Variants in FHIT observed in about 807,000 individuals in gnomAD.
FHIT encodes the protein bis(5'-adenosyl)-triphosphatase.
In FHIT, 19 loss-of-function variants were observed where a neutral mutation model predicts 17.9. That is an observed-to-expected ratio of 1.06 (90% CI 0.74 to 1.56). FHIT has a LOEUF of 1.56. FHIT is among the 40% of genes most tolerant of loss of function. FHIT has a pLI of 0.00. For missense variants in FHIT, 248 were observed against 189.2 expected (o/e 1.31, Z -1.82); for synonymous variants, 81 against 69.7 (o/e 1.16, Z -0.81).
chr3:60,065,262 A>G (rs116781507), intron 5 of FHIT, among the ~76,000 whole-genome samples: 2,334 of 152,296 alleles, frequency 0.015, 70 homozygotes, highest in African/African-American at 0.053. Context: ...CTTAGTACTT[A>G]AAGAAATGTC....
At chr3:61,210,271 G>A (rs1242447445) in intron 1 of FHIT, among the ~76,000 whole-genome samples, 1 of 152,332 alleles carries the variant, frequency 6.6e-6, no homozygotes, top group South Asian at 2.1e-4. Flanking sequence ...ACTTGAGGAG[G>A]CAGTCTGCCC....
intron 8 of FHIT, among the ~76,000 whole-genome samples, chr3:59,822,487 C>A (rs553567193): frequency 6.6e-6 from 1 of 152,156 alleles, no homozygotes; most frequent in African/African-American, 2.4e-5. Context: ...TTTATCATGG[C>A]CATTCTTGCA....
chr3:59,913,076 C>T (rs1027749467), intron 8 of FHIT, among the ~76,000 whole-genome samples: 2 of 152,092 alleles, frequency 1.3e-5, no homozygotes, highest in Non-Finnish European at 2.9e-5. Context: ...GACTACTGGG[C>T]CATATCCTAA....
chr3:60,152,698 T>A (rs1700517600), intron 5 of FHIT, among the ~76,000 whole-genome samples: 1 of 152,222 alleles, frequency 6.6e-6, no homozygotes, highest in African/African-American at 2.4e-5. Context: ...CAAAATGGCA[T>A]GTTACACATC....
At chr3:60,803,731 A>C (rs1701283354) in intron 4 of FHIT, among the ~76,000 whole-genome samples, 1 of 152,068 alleles carries the variant, frequency 6.6e-6, no homozygotes, top group Non-Finnish European at 1.5e-5. Context: ...CTTGTTTTGC[A>C]GTGCCAGCTA....
Position 60,874,673 on chromosome 3 carries a change from C to T in FHIT, c.-110-52662G>A, listed in dbSNP as rs146445426. ...CCACCCTCTCCCAGCTTCTGCGGGC[C>T]TCCTCTCCCAAGAGTTGCGATCCTA... On this transcript the variant is annotated intron_variant, in intron 3 of 9. Transcript: ENST00000492590. Among the ~76,000 whole-genome samples the T allele has an allele frequency of 6.2e-3, 951 of 152,246 alleles. 11 individuals are homozygous for T. Among genetic ancestry groups the T allele is most frequent in the African/African-American group, 0.022 (905 of 41,552 alleles).
intron 8 of FHIT, among the ~76,000 whole-genome samples, chr3:59,869,785 G>A (rs568606479): frequency 7.3e-5 from 11 of 151,716 alleles, no homozygotes; most frequent in South Asian, 2.1e-4. Context: ...CACAACCGGC[G>A]AAGGATACCC....
At chr3:61,033,263 C>G (rs2107671785) in intron 3 of FHIT, among the ~76,000 whole-genome samples, 2 of 152,276 alleles carry the variant, frequency 1.3e-5, no homozygotes, top group Non-Finnish European at 2.9e-5. Context: ...TACTGGAACA[C>G]AGCCAGTTAT....
rs972657918 is a variant in FHIT, at chr3:60,746,497, G to T, written c.-18+75422C>A. Reference sequence around the variant, plus strand: ...AATGCTTCATTCATTCCTTACATGGGTTCGGACGATCATTATTAACCTACA... The same window carrying T: ...AATGCTTCATTCATTCCTTACATGGTTTCGGACGATCATTATTAACCTACA... On this transcript the variant is annotated intron_variant, in intron 4 of 9. Coordinates refer to ENST00000492590, the MANE Select transcript of FHIT (RefSeq NM_002012.4). Among the ~76,000 whole-genome samples, 3 of 152,168 alleles carry T rather than the reference G, an allele frequency of 2.0e-5. No individual in the cohort carries two copies. In the East Asian group the frequency reaches 5.8e-4, roughly 29 times the overall value.
intron 2 of FHIT, among the ~76,000 whole-genome samples, chr3:61,050,383 A>G (rs2033981801): frequency 6.6e-6 from 1 of 152,188 alleles, no homozygotes; most frequent in Non-Finnish European, 1.5e-5. Context: ...CAACATAACA[A>G]TTCAATGCAA....
chr3:59,962,883 TA>T (rs749226497), intron 7 of FHIT, among the ~76,000 whole-genome samples: 17 of 152,220 alleles, frequency 1.1e-4, no homozygotes, highest in Non-Finnish European at 2.5e-4. Context: ...ATATATACAC[TA>T]AGCAAATAGT....
At chr3:60,334,273 T>C (rs769162854) in intron 5 of FHIT, among the ~76,000 whole-genome samples, 5 of 152,222 alleles carry the variant, frequency 3.3e-5, no homozygotes, top group Non-Finnish European at 7.3e-5. Context: ...AGCATCCATC[T>C]GCCTGACCAA....
chr3:60,507,637 C>T (rs777420021), intron 5 of FHIT, among the ~76,000 whole-genome samples: 1 of 151,986 alleles, frequency 6.6e-6, no homozygotes, highest in Non-Finnish European at 1.5e-5. Context: ...GTCTAGTACC[C>T]GTTAGTTATT....
intron 5 of FHIT, among the ~76,000 whole-genome samples, chr3:60,026,547 T>G (rs1192230106): frequency 6.6e-6 from 1 of 152,186 alleles, no homozygotes; most frequent in Non-Finnish European, 1.5e-5. Flanking sequence ...CCCCTCATAA[T>G]GTAAGCATCA....
At position 60,569,566 on chromosome 3, in the gene FHIT, G is replaced by A. The variant is rs149496264; in HGVS notation, c.-17-32587C>T. Among the ~76,000 whole-genome samples, 502 of 151,648 alleles carry A rather than the reference G, an allele frequency of 3.3e-3. 2 individuals carry two copies. The highest frequency in any genetic ancestry group is 0.011 in the African/African-American group (472 of 41,378). On this transcript the variant is annotated intron_variant, in intron 4 of 9. Transcript: ENST00000492590. ...CCAGGACGATATAGTAGAGGAGAAC[G>A]TAAGCTCTAGTGTCAGAACGCCTGG...
intron 8 of FHIT, among the ~76,000 whole-genome samples, chr3:59,777,895 T>A (rs2106865565): frequency 6.6e-6 from 1 of 152,312 alleles, no homozygotes; most frequent in Middle Eastern, 3.4e-3. Context: ...ACCCCAGGTT[T>A]CCCCGGGCTT....
intron 5 of FHIT, among the ~76,000 whole-genome samples, chr3:60,334,067 G>A (rs1710118990): frequency 2.0e-5 from 3 of 152,168 alleles, no homozygotes; most frequent in Non-Finnish European, 4.4e-5. Context: ...TGTGATTAAA[G>A]CCTTCTTCCT....
At chr3:60,189,443 TTTTAGTTTCATAC>T (rs1702304156) in intron 5 of FHIT, among the ~76,000 whole-genome samples, 1 of 152,184 alleles carries the variant, frequency 6.6e-6, no homozygotes, top group Non-Finnish European at 1.5e-5. Context: ...TCATTCAGGC[TTTTAGTTTCATAC>T]TTTAGATACT....
chr3:60,740,387 T>TA (rs2042218212), intron 4 of FHIT, among the ~76,000 whole-genome samples: 2 of 152,158 alleles, frequency 1.3e-5, no homozygotes, highest in Non-Finnish European at 2.9e-5. Context: ...TCAATGTACC[T>TA]ACCTCACGGA....
Sources: gnomAD v4.1 joint callset for allele counts (sites outside exome capture counted in the v4.1 genomes callset) on GRCh38, gnomAD v4.1.1 for gene constraint, MANE v1.5 for transcripts, NCBI Gene and HGNC (gene_info 2026-07-23, HGNC 2026-07-21) for gene names.